Variants in CEP350 observed in about 807,000 individuals in gnomAD.
The protein encoded by CEP350 is centrosomal protein 350.
CEP350 carries 126 observed loss-of-function variants against 331.8 expected under a neutral mutation model. The observed-to-expected ratio is 0.38, with a 90% CI of 0.33 to 0.44. The LOEUF (loss-of-function observed/expected upper bound fraction) is 0.44. CEP350 is among the 20% of genes least tolerant of loss of function. The pLI is 1.00. For missense variants in CEP350, 3,406 were observed against 3,634.6 expected (o/e 0.94, Z 1.62); for synonymous variants, 1,200 against 1,259.5 (o/e 0.95, Z 1.00).
At chr1:179,994,022 C>G (rs16855070) in intron 5 of CEP350, among the ~76,000 whole-genome samples, 18,210 of 152,144 alleles carry the variant, frequency 0.12, 1,180 homozygotes, top group South Asian at 0.16. Context: ...GGATGTAAAT[C>G]TTACTCTCAA....
intron 14 of CEP350, 83 bp downstream of exon 14, chr1:180,024,665 G>A: frequency 7.2e-7 from 1 of 1,392,902 alleles, no homozygotes; most frequent in Non-Finnish European, 9.4e-7. Context: ...GATTGCATAA[G>A]AAGTTAGAAG....
At chr1:179,990,162 C>T (rs10913921) in intron 3 of CEP350, among the ~76,000 whole-genome samples, 11,833 of 151,314 alleles carry the variant, frequency 0.078, 661 homozygotes, top group African/African-American at 0.16. Context: ...CTCCAGCCTG[C>T]GCGACAGACC....
At chr1:180,029,199 CTT>C (rs2148869132) in intron 14 of CEP350, among the ~76,000 whole-genome samples, 1 of 152,290 alleles carries the variant, frequency 6.6e-6, no homozygotes, top group Non-Finnish European at 1.5e-5. Context: ...ACTTGGCAAT[CTT>C]TTAATGTCAG....
At position 180,094,461 on chromosome 1, in the gene CEP350, C is replaced by G. The variant is rs775204609; in HGVS notation, c.8356C>G (p.Gln2786Glu). 1.2e-5 allele frequency: 19 copies of G among 1,613,724 alleles called. No homozygotes were observed. The Admixed American group carries it at 1.8e-4, about 16-fold the overall frequency. ...GGATGAGAAAATCCAGCTTAGCAAT[C>G]AGGAGCTTCTTGGTGATGACCAAAA... ...TRDEKIQLSN[Q>E]ELLGDDQKKV... is the part of the protein sequence containing the mutation. Residue 2786 changes from glutamine (Q) to glutamate (E), a missense_variant, in exon 34 of 38, where the codon CAG (glutamine) becomes GAG (glutamate). Gln to Glu is a conservative substitution (Grantham distance 29, BLOSUM62 2). Coordinates refer to ENST00000367607, the MANE Select transcript of CEP350 (RefSeq NM_014810.5).
At chr1:180,053,392 A>G (rs1657627738) in intron 23 of CEP350, among the ~76,000 whole-genome samples, 1 of 152,186 alleles carries the variant, frequency 6.6e-6, no homozygotes, top group Non-Finnish European at 1.5e-5. Context: ...GATCTGAGCC[A>G]ATATTATCTC....
At chr1:179,955,292 T>C in intron 1 of CEP350, 150 bp downstream of exon 1, 1 of 846,714 alleles carries the variant, frequency 1.2e-6, no homozygotes, top group Non-Finnish European at 1.5e-6. Flanking sequence ...TCGGGGAACC[T>C]CCCTGGGTTC....
chr1:180,007,777 A>G (rs1361776666), intron 8 of CEP350, among the ~76,000 whole-genome samples: 3 of 151,418 alleles, frequency 2.0e-5, no homozygotes, highest in Non-Finnish European at 4.4e-5. Context: ...GAAGTTAAAT[A>G]TTACTGTTAC....
At chr1:180,008,944 A>G (rs181903271) in intron 8 of CEP350, among the ~76,000 whole-genome samples, 62 of 152,344 alleles carry the variant, frequency 4.1e-4, no homozygotes, top group Admixed American at 2.9e-3. Flanking sequence ...ATAGAGTGAC[A>G]CTTGCTATAT....
chr1:180,031,287 G>A (rs748386946), intron 14 of CEP350, 33 bp from the exon 15 acceptor site: 3 of 1,323,412 alleles, frequency 2.3e-6, no homozygotes, highest in East Asian at 4.9e-5. Flanking sequence ...TTCTAATATT[G>A]GGAATCAGCT....
intron 26 of CEP350, among the ~76,000 whole-genome samples, chr1:180,063,972 C>T (rs946117625): frequency 6.6e-6 from 1 of 152,106 alleles, no homozygotes; most frequent in East Asian, 1.9e-4. Flanking sequence ...ATTCTATTAT[C>T]CTGAGTTATC....
intron 37 of CEP350, among the ~76,000 whole-genome samples, chr1:180,104,221 G>A (rs1661016323): frequency 1.3e-5 from 2 of 150,398 alleles, no homozygotes; most frequent in Admixed American, 1.3e-4. Context: ...GTTGTTTTTT[G>A]TTGTTTTTTG....
At chr1:180,089,334 C>G (rs1270692758) in intron 32 of CEP350, among the ~76,000 whole-genome samples, 3 of 152,020 alleles carry the variant, frequency 2.0e-5, no homozygotes, top group Admixed American at 2.0e-4. Flanking sequence ...GCCTGTAATC[C>G]CATCACTTTG....
chr1:180,061,554 A>G (rs143521566), intron 25 of CEP350, among the ~76,000 whole-genome samples: 84 of 152,336 alleles, frequency 5.5e-4, no homozygotes, highest in African/African-American at 1.9e-3. Context: ...AATTTTGACA[A>G]TTATTAGCAG....
At chr1:180,021,525 G>A (rs1379359834) in intron 12 of CEP350, among the ~76,000 whole-genome samples, 2 of 152,064 alleles carry the variant, frequency 1.3e-5, no homozygotes, top group Non-Finnish European at 2.9e-5. Flanking sequence ...GAGTGTGGTG[G>A]CATGCACCTG....
chr1:179,970,386 T>G (rs1325345218), intron 1 of CEP350, among the ~76,000 whole-genome samples: 1 of 152,240 alleles, frequency 6.6e-6, no homozygotes, highest in Non-Finnish European at 1.5e-5. Context: ...TTGGTTATTC[T>G]GGAATTTACT....
chr1:180,032,110 T>C (rs4266842), intron 15 of CEP350, among the ~76,000 whole-genome samples: 18,844 of 152,158 alleles, frequency 0.12, 1,239 homozygotes, highest in South Asian at 0.16. Context: ...TTTCTAATAT[T>C]GTATACGATG....
At chr1:180,066,166 G>C (rs374017873) in intron 27 of CEP350, among the ~76,000 whole-genome samples, 1 of 152,084 alleles carries the variant, frequency 6.6e-6, no homozygotes, top group South Asian at 2.1e-4. Flanking sequence ...CATCATTGTT[G>C]ACCATATAAA....
rs564803650 is a variant in CEP350 at position 179,990,183 on chromosome 1, C to CA, written c.121-312dup. ...CCTGCGCGACAGACCGAGACCGTCT[C>CA]AAAAAAAAAAAAGTCAGATAATTTA... On this transcript the variant is annotated intron_variant, in intron 3 of 37. Transcript: ENST00000367607. Among the ~76,000 whole-genome samples the CA allele has an allele frequency of 4.4e-3, 595 of 134,722 alleles. 4 individuals are homozygous for CA. Among genetic ancestry groups the CA allele is most frequent in the East Asian group, 0.032 (153 of 4,780 alleles). The allele number at this position is 134,722 out of a possible 152,430, so 88.4% of individuals were successfully genotyped here.
intron 17 of CEP350, among the ~76,000 whole-genome samples, chr1:180,037,948 CCA>C (rs1656484950): frequency 6.6e-6 from 1 of 152,142 alleles, no homozygotes; most frequent in South Asian, 2.1e-4. Context: ...CGCGCCTGGC[CCA>C]GTTTTGGTGA....
Sources: gnomAD v4.1 joint callset for allele counts (sites outside exome capture counted in the v4.1 genomes callset) on GRCh38, gnomAD v4.1.1 for gene constraint, MANE v1.5 for transcripts, NCBI Gene and HGNC (gene_info 2026-07-23, HGNC 2026-07-21) for gene names.